GPHN: variants seen among roughly 807,000 people sequenced by gnomAD.
GPHN encodes gephyrin.
A neutral mutation model predicts 95.5 loss-of-function variants in GPHN; 17 were observed. That is an observed-to-expected ratio of 0.18 (90% confidence interval 0.12 to 0.27). The LOEUF (loss-of-function observed/expected upper bound fraction) is 0.27. GPHN is among the 10% of genes least tolerant of loss of function. GPHN has a pLI of 1.00. For missense variants in GPHN, 660 were observed against 978.1 expected (o/e 0.67, Z 4.34); for synonymous variants, 320 against 322.5 (o/e 0.99, Z 0.08).
chr14:67,094,412 C>T (rs2077264777), intron 12 of GPHN, among the ~76,000 whole-genome samples: 1 of 152,126 alleles, frequency 6.6e-6, no homozygotes. Context: ...GCTTTTATCA[C>T]TTCTTTCAAA....
At chr14:66,769,082 G>A (rs1046375738) in intron 2 of GPHN, among the ~76,000 whole-genome samples, 2 of 151,906 alleles carry the variant, frequency 1.3e-5, no homozygotes, top group East Asian at 3.9e-4. Flanking sequence ...AGTGGAATAA[G>A]GGACGATTGT....
the GPHN span, among the ~76,000 whole-genome samples, chr14:67,518,619 C>G: frequency 6.6e-6 from 1 of 152,226 alleles, no homozygotes; most frequent in Non-Finnish European, 1.5e-5. Context: ...ATGTTAGGTC[C>G]TTAGACATAT....
At chr14:67,167,837 C>A (rs758723035) in intron 20 of GPHN, among the ~76,000 whole-genome samples, 1 of 152,104 alleles carries the variant, frequency 6.6e-6, no homozygotes, top group Non-Finnish European at 1.5e-5. Flanking sequence ...TTGGAACTTG[C>A]CAAGATCAGA....
the GPHN span, among the ~76,000 whole-genome samples, chr14:67,494,559 A>G: frequency 2.6e-5 from 4 of 152,306 alleles, no homozygotes; most frequent in African/African-American, 9.6e-5. Context: ...AGCCAGGCCA[A>G]TCGGCCCCGC....
rs28705308 is a variant in GPHN, at chr14:66,996,216, G to T, written c.964-27417G>T. ...GTGCTCATCTACCTATAGTGTATCT[G>T]AGGTATATTTTGCACGTGTTTTCTT... On this transcript the variant is annotated intron_variant, in intron 9 of 22. Coordinates refer to ENST00000478722, the MANE Select transcript of GPHN (RefSeq NM_020806.5). 3 of 1,525,324 alleles carry T rather than the reference G, an allele frequency of 2.0e-6. No individual in the cohort carries two copies. The African/African-American group carries it at 4.1e-5, about 21-fold the overall frequency. The allele number at this position is 1,525,324 out of a possible 1,614,324, so 94.5% of individuals were successfully genotyped here.
intron 1 of GPHN, among the ~76,000 whole-genome samples, chr14:66,522,560 T>A (rs1161510365): frequency 6.6e-6 from 1 of 152,100 alleles, no homozygotes; most frequent in Non-Finnish European, 1.5e-5. Flanking sequence ...AATTAAACAC[T>A]TTTTCAAGAT....
chr14:67,726,989 C>T, the GPHN span: 1 of 1,612,506 alleles, frequency 6.2e-7, no homozygotes, highest in Admixed American at 1.7e-5. Flanking sequence ...AGGCCACTTC[C>T]TCCTCACCTA....
chr14:67,300,336 C>CTTTTTTTTTTTTTT, the GPHN span, among the ~76,000 whole-genome samples: 562 of 138,902 alleles, frequency 4.0e-3, 13 homozygotes, highest in East Asian at 0.037. Flanking sequence ...TATGAATTAC[C>CTTTTTTTTTTTTTT]TTTTTTTTTT....
chr14:67,643,439 A>G, the GPHN span, among the ~76,000 whole-genome samples: 2 of 152,248 alleles, frequency 1.3e-5, no homozygotes, highest in African/African-American at 4.8e-5. Flanking sequence ...TGAGCACTCC[A>G]TACATATTCT....
At chr14:67,132,593 T>A (rs2079790054) in intron 17 of GPHN, among the ~76,000 whole-genome samples, 1 of 152,128 alleles carries the variant, frequency 6.6e-6, no homozygotes, top group Admixed American at 6.5e-5. Flanking sequence ...ACGTGTTTAA[T>A]GACGAGAGGT....
At chr14:67,446,113 G>T in the GPHN span, 1 of 495,042 alleles carries the variant, frequency 2.0e-6, no homozygotes, top group Non-Finnish European at 4.0e-6. Context: ...CCTCTGGGAG[G>T]ATGTGAAAAA....
the GPHN span, among the ~76,000 whole-genome samples, chr14:67,251,869 C>A: frequency 1.3e-5 from 2 of 152,150 alleles, no homozygotes; most frequent in Non-Finnish European, 2.9e-5. Flanking sequence ...GGCATGGGGC[C>A]CCACCTTCAA....
chr14:67,713,742 C>T, the GPHN span, among the ~76,000 whole-genome samples: 6 of 152,232 alleles, frequency 3.9e-5, no homozygotes, highest in Non-Finnish European at 7.4e-5. Context: ...GACATGTGTC[C>T]AGGATGGTCA....
chr14:67,033,383 G>A (rs552839426), intron 10 of GPHN, among the ~76,000 whole-genome samples: 12 of 152,194 alleles, frequency 7.9e-5, no homozygotes, highest in African/African-American at 2.6e-4. Flanking sequence ...GGCCAACATG[G>A]TGAAACCCCA....
At chr14:66,602,410 A>T (rs1016287002) in intron 1 of GPHN, among the ~76,000 whole-genome samples, 4 of 151,966 alleles carry the variant, frequency 2.6e-5, no homozygotes, top group African/African-American at 9.7e-5. Flanking sequence ...GTAATTTCCC[A>T]GCATAACTTT....
the GPHN span, chr14:67,592,347 G>A: frequency 2.2e-6 from 1 of 448,668 alleles, no homozygotes; most frequent in East Asian, 4.9e-5. Flanking sequence ...GGCTGAGGCA[G>A]GAGGATTTCT....
the GPHN span, among the ~76,000 whole-genome samples, chr14:67,695,402 G>A: frequency 2.0e-5 from 3 of 152,172 alleles, no homozygotes; most frequent in African/African-American, 4.8e-5. Flanking sequence ...ACAGGCCAGG[G>A]AAAAGCAGTG....
At chr14:67,225,151 T>C in the GPHN span, 1 of 1,586,016 alleles carries the variant, frequency 6.3e-7, no homozygotes, top group Non-Finnish European at 8.6e-7. Flanking sequence ...CCTTCTAATT[T>C]CCTCAAACTT....
the GPHN span, among the ~76,000 whole-genome samples, chr14:67,348,007 G>C: frequency 6.6e-6 from 1 of 151,850 alleles, no homozygotes; most frequent in South Asian, 2.1e-4. Context: ...CCGCCTCCTG[G>C]GGTCAAGTGA....
Sources: allele counts gnomAD v4.1 joint callset (sites outside exome capture counted in the v4.1 genomes callset), GRCh38; gene constraint gnomAD v4.1.1; transcripts MANE v1.5; gene names NCBI Gene and HGNC (gene_info 2026-07-23, HGNC 2026-07-21).